PSORS1C1: variants seen among roughly 807,000 people sequenced by gnomAD.
PSORS1C1 encodes the protein psoriasis susceptibility 1 candidate gene 1 protein.
A neutral mutation model predicts 9.4 loss-of-function variants in PSORS1C1; 7 were observed. The observed-to-expected ratio is 0.75, with a 90% confidence interval of 0.42 to 1.40. The LOEUF (loss-of-function observed/expected upper bound fraction) is 1.40, where lower values mean the gene tolerates loss of function less well. Among genes scored for constraint, PSORS1C1 ranks in the 40% most tolerant of loss-of-function variants. The pLI, the probability that PSORS1C1 is intolerant of heterozygous loss-of-function variation, is 0.01. For synonymous variants in PSORS1C1, 63 were observed against 69.4 expected, an observed-to-expected ratio of 0.91 and a Z score of 0.46; for missense variants, 146 against 178.1, an observed-to-expected ratio of 0.82 and a Z score of 1.02.
chr6:31,117,051 G>C lies in PSORS1C1; in HGVS notation c.-229+2160G>C, dbSNP rs756727418. On this transcript the variant is annotated intron_variant, in intron 1 of 5. Transcript: ENST00000259881. Reference sequence around the variant, plus strand: ...AAGAGCTTTGTCCAGGCTGGGAAGGGTTTAGTATTCCGCGGTAAGAGTTGT... The same window carrying C: ...AAGAGCTTTGTCCAGGCTGGGAAGGCTTTAGTATTCCGCGGTAAGAGTTGT... 3 of 1,614,136 alleles carry C rather than the reference G, an allele frequency of 1.9e-6. No individual in the cohort carries two copies. The highest frequency in any genetic ancestry group is 2.5e-6 in the Non-Finnish European group (3 of 1,180,054).
intron 1 of PSORS1C1, chr6:31,120,212 G>T: frequency 1.3e-6 from 1 of 769,580 alleles, no homozygotes; most frequent in Non-Finnish European, 2.2e-6. Context: ...CGACCATACA[G>T]TGAGGAGCAA....
chr6:31,138,059 C>T, intron 3 of PSORS1C1: 1 of 1,541,682 alleles, frequency 6.5e-7, no homozygotes, highest in Non-Finnish European at 8.7e-7. Flanking sequence ...GTCCTGCCGG[C>T]CAAGGGTCGT....
At chr6:31,134,535 G>C (rs964686193) in intron 3 of PSORS1C1, among the ~76,000 whole-genome samples, 2 of 151,940 alleles carry the variant, frequency 1.3e-5, no homozygotes, top group South Asian at 2.1e-4. Context: ...TCGATCTCCT[G>C]ACCTCGTGAT....
intron 1 of PSORS1C1, among the ~76,000 whole-genome samples, chr6:31,122,573 C>T (rs1379954493): frequency 6.6e-6 from 1 of 152,122 alleles, no homozygotes; most frequent in Non-Finnish European, 1.5e-5. Context: ...GCCAGGAGTT[C>T]GAGATCAGCC....
rs760263221 is a variant in PSORS1C1, at chr6:31,139,650, G to T, written c.177G>T (p.Gly59=). The T allele has an allele frequency of 6.2e-7, 1 of 1,611,446 alleles. No individual in the cohort carries two copies. Among genetic ancestry groups the T allele is most frequent in the African/African-American group, 1.3e-5 (1 of 74,876 alleles). Residue 59 remains glycine, a synonymous_variant, in exon 6 of 6, where the codon GGG becomes GGT. Transcript: ENST00000259881. This position sits in a 1 kb window ranked among gnomAD's most constrained non-coding sequence, Gnocchi z 5.2. ...MEPANHFWHA[G]DLQAMISKEF... Reference sequence around the variant, plus strand: ...CCATGTCCTTCTTCAGGCATGCAGGGGACCTCCAAGCAATGATATCCAAGG... The same window carrying T: ...CCATGTCCTTCTTCAGGCATGCAGGTGACCTCCAAGCAATGATATCCAAGG...
intron 3 of PSORS1C1, among the ~76,000 whole-genome samples, chr6:31,136,580 A>G (rs1315995021): frequency 6.6e-6 from 1 of 152,092 alleles, no homozygotes; most frequent in Non-Finnish European, 1.5e-5. Context: ...GGTCCTGCCG[A>G]CACACCCCTG....
chr6:31,127,706 C>G (rs1018390170), intron 2 of PSORS1C1, among the ~76,000 whole-genome samples: 1 of 151,690 alleles, frequency 6.6e-6, no homozygotes, highest in Non-Finnish European at 1.5e-5. Flanking sequence ...CCCAGCTACC[C>G]GGGAGGCTGA....
intron 1 of PSORS1C1, chr6:31,116,542 G>C (rs1772137693): frequency 2.5e-6 from 4 of 1,613,792 alleles, no homozygotes; most frequent in African/African-American, 1.3e-5. Flanking sequence ...CGACTGGCTG[G>C]GGATGATGGG....
At chr6:31,135,497 G>T (rs1190097164) in intron 3 of PSORS1C1, among the ~76,000 whole-genome samples, 1 of 152,076 alleles carries the variant, frequency 6.6e-6, no homozygotes, top group Non-Finnish European at 1.5e-5. Context: ...GATTACAGGC[G>T]TGAGCCACCA....
chr6:31,119,101 C>T (rs1056028150), intron 1 of PSORS1C1, among the ~76,000 whole-genome samples: 3 of 151,948 alleles, frequency 2.0e-5, no homozygotes, highest in Non-Finnish European at 4.4e-5. Context: ...GCCTTGGCCT[C>T]CTGAAATGTT....
Position 31,117,161 on chromosome 6 carries a change from T to C in PSORS1C1, c.-229+2270T>C, listed in dbSNP as rs752840782. ...CTGCTGCTGCTGCTCGAATGAGAGC[T>C]GCTGCTTCCCGAGTGAGAGCCGCTG... On this transcript the variant is annotated intron_variant, in intron 1 of 5. Transcript: ENST00000259881. 1.4e-5 allele frequency: 22 copies of C among 1,606,164 alleles called. No homozygotes were observed. The Admixed American group carries it at 3.5e-4, about 26-fold the overall frequency.
At chr6:31,129,056 C>T (rs1772798011) in intron 2 of PSORS1C1, among the ~76,000 whole-genome samples, 2 of 152,212 alleles carry the variant, frequency 1.3e-5, no homozygotes, top group South Asian at 4.1e-4. Context: ...AGACAACCAT[C>T]TCTTCTGTCT....
intron 1 of PSORS1C1, chr6:31,116,857 A>G: frequency 6.2e-7 from 1 of 1,614,024 alleles, no homozygotes; most frequent in Non-Finnish European, 8.5e-7. Context: ...CACCACCACC[A>G]CAGGCCTCTG....
In PSORS1C1 at chr6:31,115,067, C is replaced by A. The variant is rs1028379519; in HGVS notation, c.-229+176C>A. On this transcript the variant is annotated intron_variant, in intron 1 of 5. Coordinates refer to ENST00000259881, the MANE Select transcript of PSORS1C1 (RefSeq NM_014068.3). The surrounding 1 kb of genome is among the most constrained non-coding windows in gnomAD (Gnocchi z 4.2). The stretch of plus-strand genomic sequence containing the variant: ...GAGAGGAGGGAAATGGCGGAAGGAT[C>A]TGGGAGGCCAGGCAATCTCTGCTTT... The A allele has an allele frequency of 3.6e-5, 13 of 360,338 alleles. No individual in the cohort carries two copies. The highest frequency in any genetic ancestry group is 7.1e-5 in the Non-Finnish European group (13 of 183,698). 22.3% of individuals were successfully genotyped at this position (360,338 alleles called of 1,614,324 possible).
chr6:31,120,400 G>A (rs1164883891), intron 1 of PSORS1C1: 1 of 1,591,352 alleles, frequency 6.3e-7, no homozygotes, highest in East Asian at 2.3e-5. Context: ...CCCCATCCAG[G>A]GTGCCCGAGA....
In PSORS1C1 at chr6:31,139,661, C is replaced by A. The variant is rs1235310460; in HGVS notation, c.188C>A (p.Ala63Glu). The stretch of plus-strand genomic sequence containing the variant: ...TTCAGGCATGCAGGGGACCTCCAAG[C>A]AATGATATCCAAGGAATTCCATCTG... ...NHFWHAGDLQ[A>E]MISKEFHLAA... Residue 63 changes from alanine to glutamate, a missense_variant, in exon 6 of 6, where the codon GCA (alanine) becomes GAA (glutamate). By Grantham distance (107) the Ala-to-Glu change is moderately radical. Coordinates refer to ENST00000259881, the MANE Select transcript of PSORS1C1 (RefSeq NM_014068.3). This position sits in a 1 kb window ranked among gnomAD's most constrained non-coding sequence, Gnocchi z 5.2. 1 of 1,612,562 alleles carries A rather than the reference C, an allele frequency of 6.2e-7. No homozygotes were observed. Among genetic ancestry groups the A allele is most frequent in the East Asian group, 2.2e-5 (1 of 44,866 alleles).
At chr6:31,120,332 TA>T in intron 1 of PSORS1C1, 1 of 1,575,524 alleles carries the variant, frequency 6.3e-7, no homozygotes, top group Non-Finnish European at 8.6e-7. Flanking sequence ...CCCAGCCTCC[TA>T]CCTGGCAGGA....
intron 1 of PSORS1C1, chr6:31,120,581 A>C (rs1418363570): frequency 1.5e-6 from 1 of 682,330 alleles, no homozygotes; most frequent in Non-Finnish European, 2.6e-6. Flanking sequence ...GGAGCGTGGT[A>C]ATCAGCCCGG....
intron 1 of PSORS1C1, among the ~76,000 whole-genome samples, chr6:31,123,294 G>T (rs1171008423): frequency 6.6e-6 from 1 of 152,164 alleles, no homozygotes; most frequent in Non-Finnish European, 1.5e-5. Context: ...GCTCTAATCC[G>T]CCGTGCTTTT....
Sources: gnomAD v4.1 joint callset for allele counts (sites outside exome capture counted in the v4.1 genomes callset) on GRCh38, gnomAD v4.1.1 for gene constraint, Gnocchi (gnomAD v3.1) non-coding constraint, MANE v1.5 for transcripts, NCBI Gene and HGNC (gene_info 2026-07-23, HGNC 2026-07-21) for gene names.